DMD: variants seen among roughly 807,000 people sequenced by gnomAD.
DMD encodes mutant dystrophin.
DMD carries 63 observed loss-of-function variants against 330.1 expected under a neutral mutation model. That is an observed-to-expected ratio of 0.19 (90% CI 0.16 to 0.24). The LOEUF is 0.24. Ranked by LOEUF, DMD falls within the 10% of genes least tolerant of loss-of-function variation. The probability of loss-of-function intolerance (pLI) is 1.00; values close to 1 mark genes in which losing one functional copy is unlikely to be tolerated. For synonymous variants in DMD, 1,223 were observed against 959.8 expected (o/e 1.27, Z -5.07); for missense variants, 3,344 against 2,684.1 (o/e 1.25, Z -5.43).
intron 6 of DMD, among the ~76,000 whole-genome samples, chrX:32,812,827 T>TA (rs1310436048): frequency 9.0e-6 from 1 of 111,234 alleles, no homozygotes; most frequent in Non-Finnish European, 1.9e-5. Context: ...GAAAAATATA[T>TA]AAAAAAATTT....
chrX:32,568,643 A>G (rs2052040498), intron 15 of DMD, among the ~76,000 whole-genome samples: 1 of 112,058 alleles, frequency 8.9e-6, no homozygotes, highest in South Asian at 3.7e-4. Flanking sequence ...ACCCAGACTT[A>G]TACCTAGTAA....
intron 43 of DMD, among the ~76,000 whole-genome samples, chrX:32,256,322 T>A (rs920804786): frequency 1.8e-5 from 2 of 108,868 alleles, no homozygotes; most frequent in Non-Finnish European, 3.8e-5. Context: ...GTTTTTTTTT[T>A]TATTTTTTTT....
chrX:31,716,235 C>T (rs1221430944), intron 52 of DMD, among the ~76,000 whole-genome samples: 2 of 112,158 alleles, frequency 1.8e-5, no homozygotes, highest in African/African-American at 3.2e-5. Flanking sequence ...TTTTCCTACT[C>T]GAATGGTGTT....
chrX:31,747,427 AC>A (rs775129648), intron 51 of DMD, among the ~76,000 whole-genome samples: 98 of 111,714 alleles, frequency 8.8e-4, no homozygotes, highest in African/African-American at 3.2e-3. Context: ...TTACAGTATG[AC>A]AGCTTTTAAA....
chrX:32,854,149 G>C (rs1471197874), intron 2 of DMD, among the ~76,000 whole-genome samples: 1 of 111,384 alleles, frequency 9.0e-6, no homozygotes, highest in African/African-American at 3.3e-5. Flanking sequence ...CAGGCAAAAA[G>C]TCAACTAGGA....
intron 11 of DMD, among the ~76,000 whole-genome samples, chrX:32,619,496 GTTAA>G (rs2057833044): frequency 1.8e-5 from 2 of 111,941 alleles, no homozygotes; most frequent in African/African-American, 6.5e-5. Flanking sequence ...TAATGCATAT[GTTAA>G]TTAGCTAGAT....
At chrX:31,950,719 C>T (rs1276274186) in intron 45 of DMD, among the ~76,000 whole-genome samples, 1 of 110,550 alleles carries the variant, frequency 9.0e-6, no homozygotes, top group Admixed American at 9.7e-5. Context: ...TAATTGACCC[C>T]TTATATAATT....
At chrX:31,773,850 A>C in intron 51 of DMD, 110 bp downstream of exon 51, 1 of 642,146 alleles carries the variant, frequency 1.6e-6, no homozygotes, top group Non-Finnish European at 2.5e-6. Flanking sequence ...CTGAGAGAGA[A>C]ACAGTTGCCT....
intron 55 of DMD, among the ~76,000 whole-genome samples, chrX:31,513,273 G>A (rs1041598535): frequency 2.0e-5 from 2 of 98,670 alleles, no homozygotes; most frequent in Non-Finnish European, 4.1e-5. Context: ...CAATCATGTC[G>A]TCTGCAAACA....
chrX:31,370,894 G>A (rs1003146740), intron 60 of DMD, among the ~76,000 whole-genome samples: 2 of 111,870 alleles, frequency 1.8e-5, no homozygotes, highest in Non-Finnish European at 3.8e-5. Context: ...AATCTCTAGG[G>A]AATTATGTTG....
chrX:32,312,942 C>CAAAAAAAAAAAAACAAAAAAAAAAA (rs2097568922), intron 41 of DMD, among the ~76,000 whole-genome samples: 1 of 20,377 alleles, frequency 4.9e-5, no homozygotes, highest in Non-Finnish European at 9.7e-5. Flanking sequence ...GCCTACGAAC[C>CAAAAAAAAAAAAACAAAAAAAAAAA]AAAAAAAAAA....
chrX:31,569,580 T>C (rs757074110), intron 55 of DMD, among the ~76,000 whole-genome samples: 1 of 92,477 alleles, frequency 1.1e-5, no homozygotes, highest in Non-Finnish European at 2.2e-5. Context: ...TGTGTATATA[T>C]ATAAAATATA....
chrX:31,985,377 A>G (rs2150282461), intron 44 of DMD, among the ~76,000 whole-genome samples: 1 of 112,591 alleles, frequency 8.9e-6, no homozygotes, highest in East Asian at 2.8e-4. Context: ...AGCTGTGTAG[A>G]AGAAAATGCT....
intron 52 of DMD, among the ~76,000 whole-genome samples, chrX:31,713,800 A>T (rs2084821147): frequency 9.0e-6 from 1 of 111,682 alleles, no homozygotes; most frequent in Non-Finnish European, 1.9e-5. Flanking sequence ...TAGCCCCAAT[A>T]CCTTGCACAC....
At chrX:31,279,342 T>A (rs1431903560) in intron 62 of DMD, among the ~76,000 whole-genome samples, 1 of 112,243 alleles carries the variant, frequency 8.9e-6, no homozygotes, top group Non-Finnish European at 1.9e-5. Context: ...GGAACCTTCC[T>A]GTAACTTTTC....
chrX:32,430,261 C>T (rs1424354788), intron 29 of DMD, among the ~76,000 whole-genome samples: 1 of 111,860 alleles, frequency 8.9e-6, no homozygotes, highest in Non-Finnish European at 1.9e-5. Context: ...TGCACTTTCA[C>T]TGTGATATGT....
At position 31,410,808 on chromosome X, in the gene DMD, G is replaced by A. The variant is rs752596538; in HGVS notation, c.9084+33673C>T. Among the ~76,000 whole-genome samples the A allele has an allele frequency of 6.4e-5, 7 of 109,042 alleles. No individual in the cohort carries two copies. In the East Asian group the frequency reaches 1.1e-3, roughly 18 times the overall value. 94.7% of individuals were successfully genotyped at this position (109,042 alleles called of 115,157 possible). On this transcript the variant is annotated intron_variant, in intron 60 of 78. Coordinates refer to ENST00000357033, the MANE Select transcript of DMD (RefSeq NM_004006.3). Reference sequence around the variant, plus strand: ...GGCTGGAGTGAAGTGGTGCGATCTCGGCTCACTGCAACCTCCACCTCTCAG... The same window carrying A: ...GGCTGGAGTGAAGTGGTGCGATCTCAGCTCACTGCAACCTCCACCTCTCAG...
At chrX:32,698,121 T>A in intron 8 of DMD, 123 bp from the exon 9 acceptor site, 1 of 751,216 alleles carries the variant, frequency 1.3e-6, no homozygotes, top group South Asian at 2.7e-5. Context: ...AGATTCAATG[T>A]TTAATACTAA....
Position 31,178,764 on chromosome X carries a change from T to A in DMD, c.10128A>T (p.Leu3376=). The A allele has an allele frequency of 1.7e-6, 2 of 1,211,350 alleles. No individual in the cohort carries two copies. Among genetic ancestry groups the A allele is most frequent in the Admixed American group, 4.3e-5 (2 of 46,050 alleles). The change falls in exon 70 of 79, where the codon CTA becomes CTT. Residue 3376 remains leucine, a synonymous_variant. Coordinates refer to ENST00000357033, the MANE Select transcript of DMD (RefSeq NM_004006.3). ...ACCTTTTGGTTCGAAATTTGTTTTTTAGTACCTTGGCAAAGTCTCGAACAT... is the reference window on the plus strand; with the variant it reads ...ACCTTTTGGTTCGAAATTTGTTTTTAAGTACCTTGGCAAAGTCTCGAACAT... The part of the protein sequence containing the change: ...GEDVRDFAKV[L]KNKFRTKRYF...
Sources: gnomAD v4.1 joint callset for allele counts (sites outside exome capture counted in the v4.1 genomes callset) on GRCh38, gnomAD v4.1.1 for gene constraint, MANE v1.5 for transcripts, NCBI Gene and HGNC (gene_info 2026-07-23, HGNC 2026-07-21) for gene names.